The following LRP1B variants were observed in gnomAD, a reference collection of about 807,000 sequenced individuals.
The protein encoded by LRP1B is LDL receptor related protein 1B.
In LRP1B, 217 loss-of-function variants were observed where a neutral mutation model predicts 556.6. The observed-to-expected ratio is 0.39, with a 90% CI of 0.35 to 0.44. The LOEUF (loss-of-function observed/expected upper bound fraction) is 0.44. Among genes scored for constraint, LRP1B ranks in the 20% least tolerant of loss-of-function variants. LRP1B has a pLI of 1.00. For synonymous variants in LRP1B, 2,047 were observed against 1,865.8 expected, an observed-to-expected ratio of 1.10 and a Z score of -2.50; for missense variants, 5,053 against 5,620.8, an observed-to-expected ratio of 0.90 and a Z score of 3.23.
intron 1 of LRP1B, among the ~76,000 whole-genome samples, chr2:142,121,957 T>G (rs1395286262): frequency 6.6e-6 from 1 of 152,178 alleles, no homozygotes; most frequent in Non-Finnish European, 1.5e-5. Flanking sequence ...AGCTTCTTGC[T>G]ATTAGTAACT....
At chr2:140,347,295 G>GAAA (rs545093323) in intron 77 of LRP1B, among the ~76,000 whole-genome samples, 1 of 148,244 alleles carries the variant, frequency 6.7e-6, no homozygotes, top group Non-Finnish European at 1.5e-5. Flanking sequence ...TTTCTTAAAC[G>GAAA]AAAAAAAAAT....
At chr2:141,180,697 A>C (rs1317451917) in intron 7 of LRP1B, among the ~76,000 whole-genome samples, 1 of 151,984 alleles carries the variant, frequency 6.6e-6, no homozygotes, top group Non-Finnish European at 1.5e-5. Context: ...AAATGTTGCC[A>C]AAAATTAAAA....
chr2:141,755,937 T>C (rs1358822225), intron 2 of LRP1B, among the ~76,000 whole-genome samples: 2 of 152,068 alleles, frequency 1.3e-5, no homozygotes, highest in Non-Finnish European at 2.9e-5. Flanking sequence ...TACCATTATT[T>C]TTAAAATATA....
At chr2:140,263,708 G>C (rs140439469) in intron 86 of LRP1B, among the ~76,000 whole-genome samples, 1 of 151,858 alleles carries the variant, frequency 6.6e-6, no homozygotes, top group South Asian at 2.1e-4. Context: ...CTTTCCTCTA[G>C]TTTCCAAAAA....
At chr2:141,216,102 G>T (rs1248264345) in intron 6 of LRP1B, among the ~76,000 whole-genome samples, 1 of 152,146 alleles carries the variant, frequency 6.6e-6, no homozygotes, top group Admixed American at 6.5e-5. Context: ...GGGAAGAATG[G>T]TTCCAGGGAC....
chr2:141,236,269 TGCATTACCTCACATA>T (rs1683645382), intron 5 of LRP1B, among the ~76,000 whole-genome samples: 1 of 152,198 alleles, frequency 6.6e-6, no homozygotes, highest in Non-Finnish European at 1.5e-5. Context: ...AATTGACATA[TGCATTACCTCACATA>T]GTTACCATTT....
chr2:141,193,364 G>T (rs2105206356), intron 6 of LRP1B, among the ~76,000 whole-genome samples: 1 of 152,076 alleles, frequency 6.6e-6, no homozygotes, highest in East Asian at 1.9e-4. Flanking sequence ...TGACTGATTG[G>T]ATAAAGAAAA....
At chr2:141,517,616 C>T (rs1346607068) in intron 2 of LRP1B, among the ~76,000 whole-genome samples, 1 of 151,506 alleles carries the variant, frequency 6.6e-6, no homozygotes, top group African/African-American at 2.4e-5. Context: ...AGGCAAAATG[C>T]AAAAAATAAA....
chr2:140,713,750 G>A (rs910471183), intron 37 of LRP1B, among the ~76,000 whole-genome samples: 1 of 151,850 alleles, frequency 6.6e-6, no homozygotes, highest in African/African-American at 2.4e-5. Flanking sequence ...CTTGCTGATG[G>A]CTTTTGCTTT....
chr2:141,177,804 A>C (rs914456199), intron 7 of LRP1B, among the ~76,000 whole-genome samples: 1 of 152,238 alleles, frequency 6.6e-6, no homozygotes, highest in South Asian at 2.1e-4. Context: ...CAGTAAGAGA[A>C]AATATTGAAA....
At chr2:141,115,753 A>AT (rs1169073521) in intron 7 of LRP1B, among the ~76,000 whole-genome samples, 3 of 151,932 alleles carry the variant, frequency 2.0e-5, no homozygotes, top group African/African-American at 7.3e-5. Context: ...AAGTGCTGGA[A>AT]TTACAGGCGT....
At chr2:141,795,279 A>G (rs190305861) in intron 2 of LRP1B, among the ~76,000 whole-genome samples, 1 of 152,200 alleles carries the variant, frequency 6.6e-6, no homozygotes, top group Admixed American at 6.6e-5. Context: ...TATGCTGATC[A>G]TAATCTCCTA....
chr2:141,572,282 T>C (rs1686557211), intron 2 of LRP1B, among the ~76,000 whole-genome samples: 1 of 152,068 alleles, frequency 6.6e-6, no homozygotes, highest in Non-Finnish European at 1.5e-5. Context: ...ATATACAACA[T>C]TCTTAAAGAA....
intron 1 of LRP1B, among the ~76,000 whole-genome samples, chr2:141,877,667 CTTGT>C (rs201364373): frequency 0.019 from 2,901 of 152,022 alleles, 39 homozygotes; most frequent in Non-Finnish European, 0.033. Flanking sequence ...AATTGAGGGT[CTTGT>C]TTGTTACAGC....
chr2:140,337,152 C>T (rs551566349), intron 77 of LRP1B, among the ~76,000 whole-genome samples: 5 of 151,846 alleles, frequency 3.3e-5, no homozygotes, highest in Middle Eastern at 3.4e-3. Flanking sequence ...CACTGTCTGC[C>T]GCATGATTAC....
At chr2:141,773,294 T>G (rs1156681387) in intron 2 of LRP1B, among the ~76,000 whole-genome samples, 1 of 152,178 alleles carries the variant, frequency 6.6e-6, no homozygotes, top group Non-Finnish European at 1.5e-5. Flanking sequence ...TTTTAAAAAT[T>G]TAACTTGTTA....
chr2:141,969,269 C>T (rs1210125171), intron 1 of LRP1B, among the ~76,000 whole-genome samples: 1 of 151,340 alleles, frequency 6.6e-6, no homozygotes, highest in Non-Finnish European at 1.5e-5. Flanking sequence ...TGAGAACATT[C>T]GAAATGTACT....
In LRP1B at chr2:140,545,373, A is replaced by G. The variant is rs115269992; in HGVS notation, c.7195-3402T>C. ...AAAATCTTTGCCTGTTCCTATGTCT[A>G]GAATGGTATTGCCTAGCTTGTCTTC... On this transcript the variant is annotated intron_variant, in intron 43 of 90. Transcript: ENST00000389484. 1.7e-3 allele frequency among the ~76,000 whole-genome samples: 262 copies of G among 152,110 alleles called. 3 individuals carry two copies. Among genetic ancestry groups the G allele is most frequent in the Admixed American group, 3.8e-3 (58 of 15,242 alleles).
At chr2:141,341,105 A>C (rs114037074) in intron 3 of LRP1B, among the ~76,000 whole-genome samples, 1 of 152,318 alleles carries the variant, frequency 6.6e-6, no homozygotes, top group Non-Finnish European at 1.5e-5. Context: ...ATATTAATCC[A>C]TAGCTGTCAC....
Sources: allele counts gnomAD v4.1 joint callset (sites outside exome capture counted in the v4.1 genomes callset), GRCh38; gene constraint gnomAD v4.1.1; transcripts MANE v1.5; gene names NCBI Gene and HGNC (gene_info 2026-07-23, HGNC 2026-07-21).